USP40: variants seen among roughly 807,000 people sequenced by gnomAD.
The protein encoded by USP40 is ubiquitin specific peptidase 40.
USP40 carries 143 observed loss-of-function variants against 166.2 expected under a neutral mutation model. The observed-to-expected ratio is 0.86, with a 90% CI of 0.75 to 0.99. The LOEUF (loss-of-function observed/expected upper bound fraction) is 0.99. USP40 is among the 50% of genes least tolerant of loss of function. The probability of loss-of-function intolerance (pLI) is 0.00; values close to 1 mark genes in which losing one functional copy is unlikely to be tolerated. For synonymous variants in USP40, 498 were observed against 524.0 expected, an observed-to-expected ratio of 0.95 and a Z score of 0.68; for missense variants, 1,444 against 1,479.7, an observed-to-expected ratio of 0.98 and a Z score of 0.40.
At chr2:233,496,907 A>G (rs2065780666) in intron 23 of USP40, 75 bp from the exon 24 acceptor site, 9 of 1,077,550 alleles carry the variant, frequency 8.4e-6, no homozygotes, top group Non-Finnish European at 1.2e-5. Context: ...TTAAAACCCC[A>G]TGCCTCTATT....
rs548229595 is a variant in USP40 at position 233,548,979 on chromosome 2, G to C, written c.966+122C>G. ...AAACTTGTATCTGTATTAACTTTCAGTGCCTATCAAAGTTTTCTATAGAGT... is the reference window on the plus strand; with the variant it reads ...AAACTTGTATCTGTATTAACTTTCACTGCCTATCAAAGTTTTCTATAGAGT... On this transcript the variant is annotated intron_variant, in intron 8 of 31. Coordinates refer to ENST00000678225, the MANE Select transcript of USP40 (RefSeq NM_001365479.2). 254 of 855,144 alleles carry C rather than the reference G, an allele frequency of 3.0e-4. 1 individual carries two copies. The East Asian group carries it at 7.3e-3, about 25-fold the overall frequency. 53.0% of individuals were successfully genotyped at this position (855,144 alleles called of 1,614,324 possible). A position where few individuals can be genotyped will look rare whatever the true frequency, so the allele number is the denominator to read the frequency against.
chr2:233,549,742 T>C (rs1381140682), intron 7 of USP40, among the ~76,000 whole-genome samples: 3 of 152,126 alleles, frequency 2.0e-5, no homozygotes, highest in African/African-American at 4.8e-5. Flanking sequence ...TCACCCCTCC[T>C]GACACTACAG....
intron 3 of USP40, among the ~76,000 whole-genome samples, chr2:233,561,693 G>T (rs2071629076): frequency 6.6e-6 from 1 of 151,518 alleles, no homozygotes; most frequent in Admixed American, 6.6e-5. Context: ...AAAAGCAATG[G>T]CAACCAAAGA....
At position 233,527,499 on chromosome 2, in the gene USP40, G is replaced by C. The variant is rs954328794; in HGVS notation, c.1633C>G (p.Leu545Val). Residue 545 changes from leucine (L) to valine (V), a missense_variant, in exon 13 of 32, where the codon CTG becomes GTG. Leu to Val is a conservative substitution (Grantham distance 32, BLOSUM62 1). Transcript: ENST00000678225. ...GPQYHFFNGA[L>V]HPVVSQTESV... ...TCTGTTTGAGAGACTACTGGGTGCAGAGCCCCATTGAAGAAATGATACTGA... is the reference window on the plus strand; with the variant it reads ...TCTGTTTGAGAGACTACTGGGTGCACAGCCCCATTGAAGAAATGATACTGA... 5 of 1,613,642 alleles carry C rather than the reference G, an allele frequency of 3.1e-6. No individual in the cohort carries two copies. Among genetic ancestry groups the C allele is most frequent in the Non-Finnish European group, 4.2e-6 (5 of 1,179,764 alleles).
At chr2:233,566,385 TTC>T (rs1004706945) in intron 1 of USP40, among the ~76,000 whole-genome samples, 1 of 152,174 alleles carries the variant, frequency 6.6e-6, no homozygotes, top group African/African-American at 2.4e-5. Flanking sequence ...TATTTTTCTT[TTC>T]CTCAGAAGAA....
At chr2:233,514,929 C>A (rs1448430934) in intron 18 of USP40, among the ~76,000 whole-genome samples, 1 of 152,218 alleles carries the variant, frequency 6.6e-6, no homozygotes, top group African/African-American at 2.4e-5. Flanking sequence ...TCCTCCCTCC[C>A]AATCCTGATC....
At chr2:233,548,432 T>C (rs1255242652) in intron 8 of USP40, among the ~76,000 whole-genome samples, 1 of 152,210 alleles carries the variant, frequency 6.6e-6, no homozygotes, top group African/African-American at 2.4e-5. Flanking sequence ...ATGCTCATTT[T>C]ATTTTTCAGA....
rs562276236 is a variant in USP40, at chr2:233,562,725, A to T, written c.267+11T>A. ...AAACTTAAAGTATAATAATAATAAT[A>T]ATAAAAATACCTTTGCATCGGGTTT... On this transcript the variant is annotated intron_variant, in intron 3 of 31. Transcript: ENST00000678225. 6.7e-7 allele frequency: 1 copy of T among 1,494,550 alleles called. No homozygotes were observed. Among genetic ancestry groups the T allele is most frequent in the Non-Finnish European group, 8.9e-7 (1 of 1,117,560 alleles). The allele number at this position is 1,494,550 out of a possible 1,614,324, so 92.6% of individuals were successfully genotyped here.
At chr2:233,549,728 A>G (rs962415863) in intron 7 of USP40, among the ~76,000 whole-genome samples, 18 of 152,090 alleles carry the variant, frequency 1.2e-4, no homozygotes, top group Admixed American at 7.2e-4. Context: ...AGCCAGATCA[A>G]CTATCACCCC....
Position 233,480,972 on chromosome 2 carries a change from C to T in USP40, c.3599+231G>A, listed in dbSNP as rs1203098181. Among the ~76,000 whole-genome samples the T allele has an allele frequency of 2.0e-5, 3 of 152,144 alleles. No individual in the cohort carries two copies. The East Asian group carries it at 5.8e-4, about 29-fold the overall frequency. On this transcript the variant is annotated intron_variant, in intron 31 of 31. Coordinates refer to ENST00000678225, the MANE Select transcript of USP40 (RefSeq NM_001365479.2). This position sits in a 1 kb window ranked among gnomAD's most constrained non-coding sequence, Gnocchi z 4.5. ...GGCCATGGATCTGCGGGCTCCTCAT[C>T]GTGCCTCTGCAGTTCACGTGGACTT...
chr2:233,499,993 C>T, intron 21 of USP40, 78 bp from the exon 22 acceptor site: 1 of 1,250,830 alleles, frequency 8.0e-7, no homozygotes, highest in South Asian at 1.3e-5. Context: ...TTTTTGGACC[C>T]TAGGCCTATT....
At chr2:233,495,088 AAG>A (rs2125088967) in intron 24 of USP40, among the ~76,000 whole-genome samples, 1 of 150,352 alleles carries the variant, frequency 6.7e-6, no homozygotes, top group Non-Finnish European at 1.5e-5. Context: ...ATTCTTCAAA[AAG>A]AGACTGGTTA....
At chr2:233,527,253 A>G (rs1261433121) in intron 13 of USP40, among the ~76,000 whole-genome samples, 154 bp downstream of exon 13, 1 of 152,198 alleles carries the variant, frequency 6.6e-6, no homozygotes, top group Non-Finnish European at 1.5e-5. Context: ...GACTTAGGAG[A>G]GAAGATTTGG....
chr2:233,553,062 A>ATT (rs1553577822), intron 6 of USP40, among the ~76,000 whole-genome samples: 2 of 6,372 alleles, frequency 3.1e-4, no homozygotes, highest in Admixed American at 2.1e-3. Flanking sequence ...TTGATGCCAT[A>ATT]GAAGCTGAGA....
chr2:233,551,028 G>A (rs2070501057), intron 7 of USP40, among the ~76,000 whole-genome samples: 1 of 152,156 alleles, frequency 6.6e-6, no homozygotes, highest in Non-Finnish European at 1.5e-5. Context: ...CTATACTTTG[G>A]AAATTCAAAA....
rs1414906946 is a variant in USP40 at position 233,529,490 on chromosome 2, C to T, written c.1494G>A (p.Gly498=). 6.9e-6 allele frequency: 11 copies of T among 1,585,130 alleles called. No individual in the cohort carries two copies. In the East Asian group the frequency reaches 2.0e-4, roughly 29 times the overall value. ...TTTCATTCAGTAAATGACATGGAAC[C>T]CCATATCTTGGATTAGCTCGAGCTG... is the stretch of plus-strand genomic sequence containing the variant. The part of the protein sequence containing the change: ...PPEARANPRY[G]VPCHLLNEMD... The change falls in exon 12 of 32, where the codon GGG becomes GGA. Residue 498 remains glycine, a synonymous_variant. Transcript: ENST00000678225.
chr2:233,519,020 T>G (rs913952697), intron 18 of USP40, among the ~76,000 whole-genome samples: 10 of 152,222 alleles, frequency 6.6e-5, no homozygotes, highest in African/African-American at 2.4e-4. Flanking sequence ...CACAAAAGAC[T>G]ATATGTTTTA....
chr2:233,544,051 A>G (rs746324261), intron 8 of USP40, among the ~76,000 whole-genome samples: 6 of 152,172 alleles, frequency 3.9e-5, no homozygotes, highest in Non-Finnish European at 7.3e-5. Context: ...GTCCCGTAAG[A>G]CTGTTCCCTA....
intron 24 of USP40, among the ~76,000 whole-genome samples, chr2:233,494,915 C>CATTTTTAT (rs1265219527): frequency 1.8e-4 from 2 of 11,370 alleles, no homozygotes; most frequent in African/African-American, 3.0e-4. Context: ...AGCAAAATGG[C>CATTTTTAT]ATATATATAT....
Sources: allele counts gnomAD v4.1 joint callset (sites outside exome capture counted in the v4.1 genomes callset), GRCh38; gene constraint gnomAD v4.1.1; non-coding constraint Gnocchi (gnomAD v3.1); transcripts MANE v1.5; gene names NCBI Gene and HGNC (gene_info 2026-07-23, HGNC 2026-07-21).